BICRAL: variants seen among roughly 807,000 people sequenced by gnomAD.
BICRAL encodes the protein BICRA like chromatin remodeling complex associated protein, also known as BRD4-interacting chromatin-remodeling complex-associated protein-like.
BICRAL carries 8 observed loss-of-function variants against 91.8 expected under a neutral mutation model. The ratio of observed to expected loss-of-function variants is 0.09; its 90% CI spans 0.05 to 0.16. The LOEUF (loss-of-function observed/expected upper bound fraction) is 0.16. Among genes scored for constraint, BICRAL ranks in the 10% least tolerant of loss-of-function variants. The pLI is 1.00. For missense variants in BICRAL, 1,038 were observed against 1,310.9 expected (o/e 0.79, Z 3.21); for synonymous variants, 445 against 491.1 (o/e 0.91, Z 1.24).
At chr6:42,828,054 C>G (rs1764354145) in intron 5 of BICRAL, among the ~76,000 whole-genome samples, 1 of 152,102 alleles carries the variant, frequency 6.6e-6, no homozygotes, top group African/African-American at 2.4e-5. Flanking sequence ...AATAAAATAT[C>G]AGAATAAGGT....
chr6:42,859,597 A>G (rs900876941), intron 10 of BICRAL, among the ~76,000 whole-genome samples: 1 of 152,042 alleles, frequency 6.6e-6, no homozygotes, highest in Non-Finnish European at 1.5e-5. Flanking sequence ...TCATACCATT[A>G]GGCTTAGGTC....
rs1052316856 is a variant in BICRAL at position 42,814,388 on chromosome 6, TTA to T, written c.-6+3996_-6+3997del. 2.1e-5 allele frequency among the ~76,000 whole-genome samples: 3 copies of T among 144,960 alleles called. No individual in the cohort carries two copies. The Admixed American group carries it at 2.1e-4, about 10-fold the overall frequency. Reference sequence around the variant, plus strand: ...ACATATGTATATGTATATATATAAATTATATATATACACAACACACATGTATA... The same window carrying T: ...ACATATGTATATGTATATATATAAATTATATATACACAACACACATGTATA... On this transcript the variant is annotated intron_variant, in intron 2 of 12. Transcript: ENST00000314073.
At chr6:42,860,112 C>G in intron 10 of BICRAL, 150 bp from the exon 11 acceptor site, 1 of 570,198 alleles carries the variant, frequency 1.8e-6, no homozygotes, top group Admixed American at 2.9e-5. Context: ...TGATGCTTAG[C>G]CGGGGAAAAG....
At chr6:42,809,496 G>A (rs1763798119) in intron 1 of BICRAL, among the ~76,000 whole-genome samples, 1 of 148,676 alleles carries the variant, frequency 6.7e-6, no homozygotes, top group African/African-American at 2.5e-5. Flanking sequence ...GAGTGCAGTG[G>A]CACAATCTTG....
rs554260809 is a variant in BICRAL, at chr6:42,786,820, G to A, written c.-102+4719G>A. On this transcript the variant is annotated intron_variant, in intron 1 of 12. Transcript: ENST00000314073. ...GGGAACAAGTTCAAAGACCTGGAAG[G>A]CTGGTTGTTAGACTGGAGAGAAGGC... is the stretch of plus-strand genomic sequence containing the variant. Among the ~76,000 whole-genome samples, 3 of 152,304 alleles carry A rather than the reference G, an allele frequency of 2.0e-5. No homozygotes were observed. The South Asian group carries it at 6.2e-4, about 32-fold the overall frequency.
chr6:42,845,812 C>G (rs1200274548), intron 6 of BICRAL, among the ~76,000 whole-genome samples: 2 of 151,850 alleles, frequency 1.3e-5, no homozygotes, highest in Admixed American at 1.3e-4. Context: ...GCTTATAATC[C>G]CAGCACTTTG....
chr6:42,830,229 T>C lies in BICRAL; in HGVS notation c.1839+57T>C, dbSNP rs765148566. On this transcript the variant is annotated intron_variant, in intron 6 of 12. Transcript: ENST00000314073. ...GATTATAGAATGGAAAAATGAGATGTGTATTTACTAGAATATAATTTTCAT... is the reference window on the plus strand; with the variant it reads ...GATTATAGAATGGAAAAATGAGATGCGTATTTACTAGAATATAATTTTCAT... 2.6e-6 allele frequency: 4 copies of C among 1,531,198 alleles called. No individual in the cohort carries two copies. In the South Asian group the frequency reaches 4.8e-5, roughly 18 times the overall value. 94.9% of individuals were successfully genotyped at this position (1,531,198 alleles called of 1,614,324 possible). A position where few individuals can be genotyped will look rare whatever the true frequency, so the allele number is the denominator to read the frequency against.
chr6:42,760,896 C>T (rs1362016040), intron 1 of BICRAL, among the ~76,000 whole-genome samples: 2 of 152,130 alleles, frequency 1.3e-5, no homozygotes, highest in African/African-American at 2.4e-5. Context: ...CTGGCTGGCG[C>T]CTGTAATCCC....
intron 10 of BICRAL, 145 bp from the exon 11 acceptor site, chr6:42,860,117 G>C (rs1765509631): frequency 1.7e-6 from 1 of 587,284 alleles, no homozygotes; most frequent in South Asian, 1.9e-5. Context: ...CTTAGCCGGG[G>C]AAAAGCTCAT....
chr6:42,847,233 G>C (rs2114002890), intron 6 of BICRAL, among the ~76,000 whole-genome samples: 2 of 152,310 alleles, frequency 1.3e-5, no homozygotes, highest in Middle Eastern at 6.8e-3. Flanking sequence ...CAGGGCAACA[G>C]ATACCCTGTC....
intron 1 of BICRAL, among the ~76,000 whole-genome samples, chr6:42,801,311 C>T (rs1763566021): frequency 6.7e-6 from 1 of 148,722 alleles, no homozygotes; most frequent in Admixed American, 6.7e-5. Flanking sequence ...TAATTACTGA[C>T]ATTTTGAATT....
rs1033495725 is a variant in BICRAL at position 42,868,042 on chromosome 6, A to G, written c.*2596A>G. 2.0e-5 allele frequency: 3 copies of G among 149,448 alleles called. No individual in the cohort carries two copies. Among genetic ancestry groups the G allele is most frequent in the African/African-American group, 5.0e-5 (2 of 40,390 alleles). The allele number at this position is 149,448 out of a possible 1,614,324, so 9.3% of individuals were successfully genotyped here. A position where few individuals can be genotyped will look rare whatever the true frequency, so the allele number is the denominator to read the frequency against. On this transcript the variant is annotated 3_prime_UTR_variant, in exon 13 of 13. Coordinates refer to ENST00000314073, the MANE Select transcript of BICRAL (RefSeq NM_001393499.1). The stretch of plus-strand genomic sequence containing the variant: ...TTCGTCAAAGTTAAGTTTTAGAACT[A>G]TTTGTACTCAGTAACAAAAATCATT...
intron 1 of BICRAL, among the ~76,000 whole-genome samples, chr6:42,808,207 C>T (rs1233661685): frequency 6.6e-6 from 1 of 151,422 alleles, no homozygotes; most frequent in African/African-American, 2.4e-5. Flanking sequence ...TCTTGGCTCA[C>T]TGCAACCTTC....
intron 1 of BICRAL, among the ~76,000 whole-genome samples, chr6:42,749,945 C>T (rs890756540): frequency 2.0e-5 from 3 of 151,814 alleles, no homozygotes; most frequent in Admixed American, 6.6e-5. Flanking sequence ...ACCTCTGCCT[C>T]CCAGGTTCAA....
chr6:42,850,918 T>C (rs1293405664), intron 6 of BICRAL, among the ~76,000 whole-genome samples: 2 of 151,768 alleles, frequency 1.3e-5, no homozygotes, highest in Non-Finnish European at 2.9e-5. Flanking sequence ...TGGCTGGGTG[T>C]GGTGGCTCAT....
chr6:42,797,737 G>A (rs1309739603), intron 1 of BICRAL, among the ~76,000 whole-genome samples: 2 of 152,048 alleles, frequency 1.3e-5, no homozygotes, highest in African/African-American at 2.4e-5. Flanking sequence ...ACTTTGGGAC[G>A]CCAAAGCAGG....
chr6:42,850,246 G>C (rs898419549), intron 6 of BICRAL, among the ~76,000 whole-genome samples: 1 of 152,116 alleles, frequency 6.6e-6, no homozygotes, highest in African/African-American at 2.4e-5. Flanking sequence ...GAGGCTGGGT[G>C]TAGTGGCTCA....
At chr6:42,784,163 C>T (rs1327418545) in intron 1 of BICRAL, among the ~76,000 whole-genome samples, 1 of 152,102 alleles carries the variant, frequency 6.6e-6, no homozygotes, top group African/African-American at 2.4e-5. Flanking sequence ...CTTCAAATGG[C>T]AGTGAATTAA....
At chr6:42,843,390 C>T (rs752646686) in intron 6 of BICRAL, among the ~76,000 whole-genome samples, 4 of 151,906 alleles carry the variant, frequency 2.6e-5, no homozygotes, top group Non-Finnish European at 4.4e-5. Flanking sequence ...TTAGGTGAGG[C>T]GAGTAGGGTG....
Sources: gnomAD v4.1 joint callset for allele counts (sites outside exome capture counted in the v4.1 genomes callset) on GRCh38, gnomAD v4.1.1 for gene constraint, MANE v1.5 for transcripts, NCBI Gene and HGNC (gene_info 2026-07-23, HGNC 2026-07-21) for gene names.